Variants in EFCAB5 observed in about 807,000 individuals in gnomAD.
EFCAB5 encodes EF-hand calcium-binding domain-containing protein 5.
A neutral mutation model predicts 167.9 loss-of-function variants in EFCAB5; 131 were observed. The observed-to-expected ratio is 0.78, with a 90% confidence interval of 0.68 to 0.90. EFCAB5 has a LOEUF of 0.90. Among genes scored for constraint, EFCAB5 ranks in the 40% least tolerant of loss-of-function variants. The pLI is 0.00. For missense variants in EFCAB5, 1,663 were observed against 1,745.2 expected (o/e 0.95, Z 0.84); for synonymous variants, 574 against 602.8 (o/e 0.95, Z 0.70).
At chr17:30,079,953 C>T (rs1057236299) in intron 15 of EFCAB5, 119 bp from the exon 16 acceptor site, 1 of 1,236,420 alleles carries the variant, frequency 8.1e-7, no homozygotes, top group Admixed American at 2.5e-5. Context: ...TATATGCATT[C>T]TTTATTCAGG....
intron 7 of EFCAB5, among the ~76,000 whole-genome samples, chr17:30,024,106 C>T (rs2069252674): frequency 6.6e-6 from 1 of 152,122 alleles, no homozygotes; most frequent in South Asian, 2.1e-4. Flanking sequence ...GAAGCATTCC[C>T]TCTGAAAACT....
chr17:30,066,980 C>T (rs2070588821), intron 14 of EFCAB5, among the ~76,000 whole-genome samples: 1 of 152,164 alleles, frequency 6.6e-6, no homozygotes, highest in Non-Finnish European at 1.5e-5. Flanking sequence ...AAAACCTGAA[C>T]AGACCAATCA....
intron 6 of EFCAB5, 89 bp downstream of exon 6, chr17:29,996,449 A>G: frequency 8.6e-7 from 1 of 1,159,256 alleles, no homozygotes; most frequent in Non-Finnish European, 1.2e-6. Flanking sequence ...AACATGAGAC[A>G]GATGTTATTC....
chr17:30,031,168 G>A lies in EFCAB5; in HGVS notation c.1045-3062G>A, dbSNP rs1424937163. ...ATCAAACAACAGGATCTTAGGATAC[G>A]GGACTAATCAGGACCAGATACCCCA... On this transcript the variant is annotated intron_variant, in intron 7 of 22. Transcript: ENST00000394835. Among the ~76,000 whole-genome samples the A allele has an allele frequency of 2.6e-5, 4 of 152,252 alleles. No individual in the cohort carries two copies. In the East Asian group the frequency reaches 7.7e-4, roughly 29 times the overall value.
chr17:30,016,734 A>T (rs1385696566), intron 7 of EFCAB5, among the ~76,000 whole-genome samples: 2 of 152,244 alleles, frequency 1.3e-5, no homozygotes, highest in Non-Finnish European at 2.9e-5. Flanking sequence ...GAAAATATTT[A>T]AAAAACTCTC....
At chr17:29,957,831 T>C (rs2067647635) in intron 3 of EFCAB5, among the ~76,000 whole-genome samples, 1 of 152,186 alleles carries the variant, frequency 6.6e-6, no homozygotes, top group South Asian at 2.1e-4. Context: ...TTATATTCCT[T>C]TGGGTATATA....
At chr17:29,988,522 C>A (rs2068338920) in intron 4 of EFCAB5, among the ~76,000 whole-genome samples, 1 of 152,222 alleles carries the variant, frequency 6.6e-6, no homozygotes, top group Admixed American at 6.5e-5. Flanking sequence ...TAAAAACATT[C>A]TCAGCACCTT....
intron 1 of EFCAB5, among the ~76,000 whole-genome samples, chr17:29,932,859 A>G (rs2067213840): frequency 6.6e-6 from 1 of 152,156 alleles, no homozygotes; most frequent in Admixed American, 6.5e-5. Flanking sequence ...AAGGTGATAA[A>G]ATCCTGATCA....
At chr17:30,064,148 C>T (rs2070498852) in intron 14 of EFCAB5, among the ~76,000 whole-genome samples, 1 of 152,166 alleles carries the variant, frequency 6.6e-6, no homozygotes, top group Non-Finnish European at 1.5e-5. Context: ...AGGAATATAA[C>T]TCTCTAGTAA....
intron 22 of EFCAB5, among the ~76,000 whole-genome samples, chr17:30,101,349 A>G (rs1202267345): frequency 6.6e-6 from 1 of 152,212 alleles, no homozygotes; most frequent in Non-Finnish European, 1.5e-5. Flanking sequence ...GGCAGAGCCA[A>G]AATATATCTT....
intron 7 of EFCAB5, among the ~76,000 whole-genome samples, chr17:30,006,684 C>T (rs1241267396): frequency 6.6e-6 from 1 of 152,210 alleles, no homozygotes; most frequent in African/African-American, 2.4e-5. Flanking sequence ...GAGTCTCACT[C>T]TATCACCCAG....
chr17:30,079,373 C>T (rs762261714), intron 15 of EFCAB5, among the ~76,000 whole-genome samples: 6 of 151,990 alleles, frequency 3.9e-5, no homozygotes, highest in Non-Finnish European at 8.8e-5. Context: ...AAGAAAAGGG[C>T]ATGGAAAGCA....
At chr17:30,100,784 T>C (rs1354361030) in intron 22 of EFCAB5, among the ~76,000 whole-genome samples, 1 of 149,790 alleles carries the variant, frequency 6.7e-6, no homozygotes, top group African/African-American at 2.4e-5. Context: ...AAAGGTGAGA[T>C]TTAAGCAAAG....
At chr17:29,972,587 G>C (rs1675433172) in intron 4 of EFCAB5, 1 of 152,564 alleles carries the variant, frequency 6.6e-6, no homozygotes, top group African/African-American at 2.4e-5. Flanking sequence ...TCTTGCGCCC[G>C]GCTCAGGAGG....
chr17:30,053,483 G>C lies in EFCAB5; in HGVS notation c.1529G>C (p.Arg510Thr). 6.2e-7 allele frequency: 1 copy of C among 1,613,982 alleles called. No homozygotes were observed. Among genetic ancestry groups the C allele is most frequent in the Non-Finnish European group, 8.5e-7 (1 of 1,179,896 alleles). The stretch of plus-strand genomic sequence containing the variant: ...TCACCAAACCCGCCAGAACAGCAGA[G>C]AGGAGTAACTGCAGAACAAGGACCA... ...TPSPNPPEQQ[R>T]GVTAEQGPQR... The change falls in exon 10 of 23, where the codon AGA becomes ACA. Residue 510 changes from arginine (R) to threonine (T), a missense_variant. Coordinates refer to ENST00000394835, the MANE Select transcript of EFCAB5 (RefSeq NM_198529.4).
chr17:30,050,593 C>A (rs143163062), intron 8 of EFCAB5, among the ~76,000 whole-genome samples: 44 of 152,130 alleles, frequency 2.9e-4, no homozygotes, highest in African/African-American at 8.0e-4. Context: ...CCATGCCTGG[C>A]TAATTTTTTA....
intron 18 of EFCAB5, among the ~76,000 whole-genome samples, chr17:30,084,523 A>T (rs2071048901): frequency 1.3e-5 from 2 of 152,028 alleles, no homozygotes; most frequent in Admixed American, 1.3e-4. Flanking sequence ...GGACCATCTC[A>T]TAGTGGTGAA....
At chr17:29,953,718 T>G (rs147007653) in intron 3 of EFCAB5, among the ~76,000 whole-genome samples, 1 of 152,300 alleles carries the variant, frequency 6.6e-6, no homozygotes, top group Non-Finnish European at 1.5e-5. Flanking sequence ...CATGCTACTG[T>G]AAATATACCC....
chr17:29,937,255 C>T (rs1186430187), upstream of EFCAB5, among the ~76,000 whole-genome samples: 2 of 151,882 alleles, frequency 1.3e-5, no homozygotes, highest in Non-Finnish European at 2.9e-5. Context: ...GGTGCAATCT[C>T]GGCTCACTGC....
Sources: gnomAD v4.1 joint callset for allele counts (sites outside exome capture counted in the v4.1 genomes callset) on GRCh38, gnomAD v4.1.1 for gene constraint, MANE v1.5 for transcripts, NCBI Gene and HGNC (gene_info 2026-07-23, HGNC 2026-07-21) for gene names.